NPAS3: variants seen among roughly 807,000 people sequenced by gnomAD.
The protein encoded by NPAS3 is neuronal PAS domain protein 3.
Under a neutral mutation model 73.1 loss-of-function variants are expected in NPAS3, and 14 were observed. The observed-to-expected ratio is 0.19, with a 90% CI of 0.13 to 0.30. The LOEUF is 0.30. Among genes scored for constraint, NPAS3 ranks in the 10% least tolerant of loss-of-function variants. The probability of loss-of-function intolerance (pLI) is 1.00; values close to 1 mark genes in which losing one functional copy is unlikely to be tolerated. For missense variants in NPAS3, 1,096 were observed against 1,250.0 expected (o/e 0.88, Z 1.86); for synonymous variants, 620 against 541.5 (o/e 1.14, Z -2.01).
At chr14:33,212,609 G>A (rs1469846945) in intron 2 of NPAS3, among the ~76,000 whole-genome samples, 2 of 152,146 alleles carry the variant, frequency 1.3e-5, no homozygotes, top group Non-Finnish European at 2.9e-5. Context: ...CATCTCCCTA[G>A]TATCTATCCT....
rs570210562 is a variant in NPAS3 at position 33,776,501 on chromosome 14, T to G, written c.1047-1965T>G. On this transcript the variant is annotated intron_variant, in intron 8 of 11. Transcript: ENST00000356141. ...TTGAGATCATTTTCTGTGACCTGCT[T>G]TTGGCGTTTTTCTTCCTCTTAAAAA... 1.2e-3 allele frequency among the ~76,000 whole-genome samples: 156 copies of G among 133,660 alleles called. 3 individuals carry two copies. Among genetic ancestry groups the G allele is most frequent in the South Asian group, 7.2e-4 (3 of 4,156 alleles). The allele number at this position is 133,660 out of a possible 152,430, so 87.7% of individuals were successfully genotyped here. A position where few individuals can be genotyped will look rare whatever the true frequency, so the allele number is the denominator to read the frequency against.
intron 2 of NPAS3, among the ~76,000 whole-genome samples, chr14:33,069,172 G>A (rs972002581): frequency 6.6e-6 from 1 of 152,182 alleles, no homozygotes; most frequent in Non-Finnish European, 1.5e-5. Flanking sequence ...AAGAGAGAGA[G>A]AAGTCGATAT....
chr14:33,446,227 C>G, intron 4 of NPAS3, among the ~76,000 whole-genome samples: 1 of 142,188 alleles, frequency 7.0e-6, no homozygotes, highest in African/African-American at 2.6e-5. Flanking sequence ...GGACTGCGGA[C>G]TGCAGTGGCG....
chr14:33,703,060 C>T (rs2060563660), intron 6 of NPAS3, among the ~76,000 whole-genome samples: 1 of 152,070 alleles, frequency 6.6e-6, no homozygotes, highest in African/African-American at 2.4e-5. Flanking sequence ...CAATATATTT[C>T]CTTTGGAAAT....
chr14:33,675,134 C>T (rs1412673881), intron 5 of NPAS3, among the ~76,000 whole-genome samples: 1 of 152,112 alleles, frequency 6.6e-6, no homozygotes, highest in East Asian at 1.9e-4. Flanking sequence ...TGGCCTGAAA[C>T]CATTGCACTC....
chr14:33,759,693 T>G (rs888717955), intron 7 of NPAS3, among the ~76,000 whole-genome samples: 5 of 152,222 alleles, frequency 3.3e-5, no homozygotes, highest in African/African-American at 1.2e-4. Flanking sequence ...CTGCGTAGTC[T>G]TTATAACTAT....
intron 3 of NPAS3, among the ~76,000 whole-genome samples, chr14:33,295,365 C>G (rs1240899887): frequency 6.6e-6 from 1 of 152,148 alleles, no homozygotes; most frequent in Non-Finnish European, 1.5e-5. Flanking sequence ...TTTAAAAGTC[C>G]TTTTCTGATA....
chr14:33,222,471 C>T (rs1172822665), intron 3 of NPAS3, among the ~76,000 whole-genome samples: 3 of 152,192 alleles, frequency 2.0e-5, no homozygotes, highest in African/African-American at 7.2e-5. Context: ...GCATTCACAT[C>T]CCAGCTCAGA....
At chr14:33,169,963 G>C (rs1210128344) in intron 2 of NPAS3, among the ~76,000 whole-genome samples, 1 of 152,166 alleles carries the variant, frequency 6.6e-6, no homozygotes, top group Non-Finnish European at 1.5e-5. Context: ...CATAACTTCT[G>C]ATACATCTTG....
At chr14:33,390,314 T>C (rs1258709794) in intron 4 of NPAS3, among the ~76,000 whole-genome samples, 2 of 152,126 alleles carry the variant, frequency 1.3e-5, no homozygotes. Context: ...AGTTTCTTGG[T>C]AGTAATAGGA....
At chr14:33,234,166 G>A (rs1275923982) in intron 3 of NPAS3, among the ~76,000 whole-genome samples, 8 of 152,036 alleles carry the variant, frequency 5.3e-5, no homozygotes, top group Non-Finnish European at 1.5e-5. Flanking sequence ...TTGTCTGGTG[G>A]CAATTCCCTT....
At position 33,178,651 on chromosome 14, in the gene NPAS3, AT is replaced by A. The variant is rs1019548025; in HGVS notation, c.141-36525del. ...TTCCCAGTCTAGAGAAATGCAACTG[AT>A]TTTTTGTCTGTAGATCTTGTAACCC... On this transcript the variant is annotated intron_variant, in intron 2 of 11. Transcript: ENST00000356141. Among the ~76,000 whole-genome samples, 23 of 152,058 alleles carry A rather than the reference AT, an allele frequency of 1.5e-4. 1 individual carries two copies. Among genetic ancestry groups the A allele is most frequent in the South Asian group, 6.2e-4 (3 of 4,824 alleles).
At chr14:33,615,251 G>T (rs1019084416) in intron 5 of NPAS3, among the ~76,000 whole-genome samples, 3 of 152,160 alleles carry the variant, frequency 2.0e-5, no homozygotes, top group Non-Finnish European at 4.4e-5. Flanking sequence ...GTAGGCAACA[G>T]GAAGTCACTG....
intron 2 of NPAS3, among the ~76,000 whole-genome samples, chr14:33,102,991 G>T (rs542422484): frequency 2.0e-5 from 3 of 152,172 alleles, no homozygotes; most frequent in South Asian, 2.1e-4. Context: ...TAAGTGTCTG[G>T]TTCCTTTATT....
chr14:33,239,732 C>A (rs2048156692), intron 3 of NPAS3, among the ~76,000 whole-genome samples: 1 of 151,986 alleles, frequency 6.6e-6, no homozygotes, highest in Middle Eastern at 3.4e-3. Flanking sequence ...AATATTTGCC[C>A]ATTATTGCAT....
chr14:33,198,209 C>G (rs896221578), intron 2 of NPAS3, among the ~76,000 whole-genome samples: 3 of 152,198 alleles, frequency 2.0e-5, no homozygotes, highest in Non-Finnish European at 4.4e-5. Context: ...AGAGTTATTG[C>G]AAAGAGCAAA....
chr14:33,617,133 T>G (rs563815021), intron 5 of NPAS3, among the ~76,000 whole-genome samples: 21 of 152,316 alleles, frequency 1.4e-4, no homozygotes, highest in African/African-American at 4.6e-4. Context: ...TGAGCAAGGC[T>G]TTTAGGAATA....
chr14:33,248,820 A>C (rs1039432844), intron 3 of NPAS3, among the ~76,000 whole-genome samples: 1 of 152,248 alleles, frequency 6.6e-6, no homozygotes, highest in Non-Finnish European at 1.5e-5. Flanking sequence ...GTTTGAAGTC[A>C]GATTTCAATA....
At chr14:33,649,996 A>G (rs2058944565) in intron 5 of NPAS3, among the ~76,000 whole-genome samples, 1 of 152,214 alleles carries the variant, frequency 6.6e-6, no homozygotes. Flanking sequence ...CAGGAGAGGA[A>G]TATCCTGGGA....
Sources: gnomAD v4.1 joint callset for allele counts (sites outside exome capture counted in the v4.1 genomes callset) on GRCh38, gnomAD v4.1.1 for gene constraint, MANE v1.5 for transcripts, NCBI Gene and HGNC (gene_info 2026-07-23, HGNC 2026-07-21) for gene names.